The following NBPF20 variants were observed in gnomAD, a reference collection of about 807,000 sequenced individuals.
NBPF20 encodes the protein NBPF family member NBPF20.
NBPF20 carries 90 observed loss-of-function variants against 68.1 expected under a neutral mutation model. The observed-to-expected ratio is 1.32, with a 90% confidence interval of 1.11 to 1.58. The LOEUF (loss-of-function observed/expected upper bound fraction) is 1.58, where lower values mean the gene tolerates loss of function less well. Among genes scored for constraint, NBPF20 ranks in the 40% most tolerant of loss-of-function variants. The pLI is 0.00. For synonymous variants in NBPF20, 290 were observed against 228.1 expected (o/e 1.27, Z -2.45); for missense variants, 816 against 601.2 (o/e 1.36, Z -3.74).
upstream of NBPF20, among the ~76,000 whole-genome samples, chr1:145,409,461 A>G (rs1662923595): frequency 6.6e-6 from 1 of 151,114 alleles, no homozygotes; most frequent in South Asian, 2.1e-4. Flanking sequence ...GTGCCCTTAT[A>G]CAAAGGCTGG....
chr1:145,403,925 C>A (rs1341662937), intron 2 of NBPF20, among the ~76,000 whole-genome samples: 1 of 150,922 alleles, frequency 6.6e-6, no homozygotes, highest in Non-Finnish European at 1.5e-5. Context: ...GAATGAAGAA[C>A]TAATAAATAG....
At chr1:145,291,623 T>A (rs781795247) in exon 138 of NBPF20, 1 of 1,611,848 alleles carries the variant, frequency 6.2e-7, no homozygotes, top group African/African-American at 1.3e-5. Flanking sequence ...GAAGCTGATG[T>A]GCTGTTCCTC....
At chr1:145,398,567 C>T (rs1286705326) in intron 7 of NBPF20, among the ~76,000 whole-genome samples, 8 of 152,248 alleles carry the variant, frequency 5.3e-5, no homozygotes, top group African/African-American at 1.4e-4. Context: ...CTCTGGGACA[C>T]ATTTAAAGCA....
At chr1:145,396,724 T>G (rs1182226659) in intron 7 of NBPF20, among the ~76,000 whole-genome samples, 2 of 142,446 alleles carry the variant, frequency 1.4e-5, no homozygotes, top group Admixed American at 7.0e-5. Flanking sequence ...TCCATATGTA[T>G]AGTTTTCCTT....
intron 29 of NBPF20, among the ~76,000 whole-genome samples, 172 bp from the exon 35 acceptor site, chr1:145,377,610 AAGAATGAAAG>A (rs1661817549): frequency 7.1e-6 from 1 of 141,472 alleles, no homozygotes; most frequent in Non-Finnish European, 1.5e-5. Flanking sequence ...CCAGGTAGAA[AAGAATGAAAG>A]AGAAAGACAG....
exon 116 of NBPF20, chr1:145,309,086 A>T: frequency 3.0e-5 from 2 of 67,164 alleles, no homozygotes; most frequent in African/African-American, 7.0e-4. Flanking sequence ...CTCCCACGTC[A>T]AGAGAAAAGC....
At chr1:145,291,453 C>A (rs1400890126) in exon 138 of NBPF20, 3 of 1,567,270 alleles carry the variant, frequency 1.9e-6, no homozygotes, top group Non-Finnish European at 2.6e-6. Context: ...TGGAACTGTA[C>A]TTTCATTCAA....
At chr1:145,417,906 C>A in the NBPF20 span, among the ~76,000 whole-genome samples, 1 of 134,088 alleles carries the variant, frequency 7.5e-6, no homozygotes, top group South Asian at 2.7e-4. Context: ...AAATCCTGCA[C>A]ATAAGTACTT....
intron 112 of NBPF20, among the ~76,000 whole-genome samples, chr1:145,311,814 A>G (rs1661489306): frequency 1.0e-5 from 1 of 97,400 alleles, no homozygotes; most frequent in African/African-American, 5.5e-5. Context: ...AAACTGCACT[A>G]TTCAGCCCTG....
chr1:145,291,432 G>T (rs1301800108), exon 138 of NBPF20: 12 of 1,609,984 alleles, frequency 7.5e-6, no homozygotes, highest in South Asian at 1.1e-5. Context: ...TCCTATGTCT[G>T]GGCTTCCAAA....
the NBPF20 span, among the ~76,000 whole-genome samples, chr1:145,415,304 G>C: frequency 2.6e-5 from 4 of 151,368 alleles, no homozygotes; most frequent in African/African-American, 9.7e-5. Context: ...ATATACAATC[G>C]GGCTTTACAC....
At chr1:145,410,820 A>G in the NBPF20 span, among the ~76,000 whole-genome samples, 14 of 133,562 alleles carry the variant, frequency 1.0e-4, no homozygotes, top group Admixed American at 2.3e-4. Context: ...ATATACGTAT[A>G]TATATATATA....
At chr1:145,404,535 G>T (rs1365227375) in intron 2 of NBPF20, among the ~76,000 whole-genome samples, 1 of 152,104 alleles carries the variant, frequency 6.6e-6, no homozygotes, top group Non-Finnish European at 1.5e-5. Flanking sequence ...GAGATTACAG[G>T]AGTGAGCCAC....
chr1:145,394,176 C>G (rs1662097077), intron 8 of NBPF20, among the ~76,000 whole-genome samples: 1 of 152,082 alleles, frequency 6.6e-6, no homozygotes, highest in Non-Finnish European at 1.5e-5. Context: ...GTGCTCTGTC[C>G]TAGGCTTCTG....
At chr1:145,415,395 T>C in the NBPF20 span, among the ~76,000 whole-genome samples, 4 of 151,838 alleles carry the variant, frequency 2.6e-5, no homozygotes, top group East Asian at 7.8e-4. Context: ...TTCCTTCCTC[T>C]TTTACTAATC....
the NBPF20 span, among the ~76,000 whole-genome samples, chr1:145,413,594 A>T: frequency 6.7e-6 from 1 of 150,158 alleles, no homozygotes; most frequent in Non-Finnish European, 1.5e-5. Flanking sequence ...GTTTCAAGAA[A>T]TGCAGAGCAG....
intron 5 of NBPF20, 42 bp from the exon 11 acceptor site, chr1:145,400,636 C>T: frequency 1.3e-6 from 2 of 1,588,294 alleles, no homozygotes; most frequent in Non-Finnish European, 1.7e-6. Flanking sequence ...AGATTAAACA[C>T]AGAGGGATTG....
intron 7 of NBPF20, among the ~76,000 whole-genome samples, chr1:145,398,057 T>C (rs1553664374): frequency 6.6e-6 from 1 of 152,168 alleles, no homozygotes; most frequent in Non-Finnish European, 1.5e-5. Context: ...ATGCACCGTA[T>C]ACAGGAGCAC....
exon 138 of NBPF20, chr1:145,291,552 G>T: frequency 6.2e-7 from 1 of 1,611,990 alleles, no homozygotes; most frequent in Non-Finnish European, 8.5e-7. Context: ...ACTCCCATCT[G>T]GAACACCAGG....
Sources: allele counts gnomAD v4.1 joint callset (sites outside exome capture counted in the v4.1 genomes callset), GRCh38; gene constraint gnomAD v4.1.1; transcripts MANE v1.5; gene names NCBI Gene and HGNC (gene_info 2026-07-23, HGNC 2026-07-21).